The following EP400 variants were observed in gnomAD, a reference collection of about 807,000 sequenced individuals.
EP400 encodes the protein E1A binding protein p400, also known as E1A-binding protein p400.
In EP400, 105 loss-of-function variants were observed where a neutral mutation model predicts 354.1. The ratio of observed to expected loss-of-function variants is 0.30; its 90% CI spans 0.25 to 0.35. The LOEUF is 0.35. EP400 is among the 10% of genes least tolerant of loss of function. The probability of loss-of-function intolerance (pLI) is 1.00; values close to 1 mark genes in which losing one functional copy is unlikely to be tolerated. For missense variants in EP400, 3,280 were observed against 4,121.0 expected, an observed-to-expected ratio of 0.80 and a Z score of 5.59; for synonymous variants, 1,646 against 1,716.9, an observed-to-expected ratio of 0.96 and a Z score of 1.02.
intron 47 of EP400, among the ~76,000 whole-genome samples, chr12:132,064,062 C>T (rs1200648260): frequency 3.4e-5 from 5 of 146,496 alleles, no homozygotes; most frequent in African/African-American, 5.0e-5. Flanking sequence ...TGCCTTGTCA[C>T]CTGCCCCGGT....
chr12:132,062,928 G>A (rs568064362), intron 47 of EP400, among the ~76,000 whole-genome samples: 1 of 152,314 alleles, frequency 6.6e-6, no homozygotes, highest in South Asian at 2.1e-4. Flanking sequence ...GAGCACTTTG[G>A]AGACATTAAC....
chr12:131,959,488 T>C (rs571843339), intron 1 of EP400, among the ~76,000 whole-genome samples: 1 of 152,334 alleles, frequency 6.6e-6, no homozygotes, highest in South Asian at 2.1e-4. Context: ...CCTTGTCTGC[T>C]CCATCCTCTG....
intron 30 of EP400, among the ~76,000 whole-genome samples, chr12:132,035,082 G>A (rs980124174): frequency 7.2e-5 from 11 of 152,154 alleles, no homozygotes; most frequent in African/African-American, 2.4e-4. Flanking sequence ...CTCTTAAATA[G>A]GAAGGGCCTG....
chr12:132,018,992 C>G lies in EP400; in HGVS notation c.4277+616C>G, dbSNP rs1894032188. On this transcript the variant is annotated intron_variant, in intron 21 of 52. Coordinates refer to ENST00000389561, the MANE Select transcript of EP400 (RefSeq NM_015409.5). The surrounding 1 kb of genome is among the most constrained non-coding windows in gnomAD (Gnocchi z 4.0). ...TGTGATCCTTGCCATTCCAGGAGTTCTGCAGTCTTTCTTGTTGGCACTTCT... is the reference window on the plus strand; with the variant it reads ...TGTGATCCTTGCCATTCCAGGAGTTGTGCAGTCTTTCTTGTTGGCACTTCT... 6.6e-6 allele frequency among the ~76,000 whole-genome samples: 1 copy of G among 152,150 alleles called. No individual in the cohort carries two copies. The highest frequency in any genetic ancestry group is 2.4e-5 in the African/African-American group (1 of 41,428).
chr12:132,046,902 C>CCA (rs1895116641), intron 39 of EP400, among the ~76,000 whole-genome samples: 1 of 152,210 alleles, frequency 6.6e-6, no homozygotes, highest in South Asian at 2.1e-4. Flanking sequence ...CGTGTGGGGA[C>CCA]CACCGCCTTT....
At chr12:131,952,302 CAAAAAAAAAA>C (rs927214848) in intron 1 of EP400, among the ~76,000 whole-genome samples, 4 of 47,044 alleles carry the variant, frequency 8.5e-5, no homozygotes, top group Admixed American at 5.0e-4. Context: ...GACTCTGTCT[CAAAAAAAAAA>C]AAAAAAAAAA....
Position 131,994,069 on chromosome 12 carries a change from C to A in EP400, c.2738-798C>A, listed in dbSNP as rs1893128187. Among the ~76,000 whole-genome samples, 1 of 152,090 alleles carries A rather than the reference C, an allele frequency of 6.6e-6. No homozygotes were observed. Among genetic ancestry groups the A allele is most frequent in the African/African-American group, 2.4e-5 (1 of 41,392 alleles). On this transcript the variant is annotated intron_variant, in intron 11 of 52. Coordinates refer to ENST00000389561, the MANE Select transcript of EP400 (RefSeq NM_015409.5). The surrounding 1 kb of genome is among the most constrained non-coding windows in gnomAD (Gnocchi z 4.6). ...TTTCCAAGAGGAGGGGATGGCCAGG[C>A]CTGTCGTGAGCCACCAGGGTGTCGA...
chr12:131,985,916 A>AT (rs905680940), intron 5 of EP400, among the ~76,000 whole-genome samples: 4 of 151,820 alleles, frequency 2.6e-5, no homozygotes, highest in Admixed American at 6.6e-5. Context: ...CCTGAGGAGG[A>AT]TTTTTTAACC....
At chr12:131,991,087 C>T (rs910040692) in intron 9 of EP400, among the ~76,000 whole-genome samples, 2 of 152,168 alleles carry the variant, frequency 1.3e-5, no homozygotes, top group African/African-American at 4.8e-5. Flanking sequence ...TGTGCCACTC[C>T]ACTTAGGATG....
intron 12 of EP400, among the ~76,000 whole-genome samples, chr12:131,997,331 G>A (rs988241272): frequency 2.6e-5 from 4 of 151,002 alleles, no homozygotes; most frequent in Admixed American, 6.6e-5. Context: ...AGTGAGTGGC[G>A]GATCACAGCT....
rs754158539 is a variant in EP400 at position 132,043,687 on chromosome 12, T to C, written c.6409T>C (p.Phe2137Leu). Residue 2137 changes from phenylalanine to leucine, a missense_variant, in exon 34 of 53, where the codon TTC (phenylalanine) becomes CTC (leucine). By Grantham distance (22) the Phe-to-Leu change is conservative (BLOSUM62 0). Coordinates refer to ENST00000389561, the MANE Select transcript of EP400 (RefSeq NM_015409.5). Reference sequence around the variant, plus strand: ...ATATGCTTTAAATTACCTGGAATTATTCCATACTTCTATTGAGCAAGAAAA... The same window carrying C: ...ATATGCTTTAAATTACCTGGAATTACTCCATACTTCTATTGAGCAAGAAAA... ...EKYALNYLEL[F>L]HTSIEQEKER... 3.7e-6 allele frequency: 6 copies of C among 1,611,738 alleles called. No homozygotes were observed. Among genetic ancestry groups the C allele is most frequent in the Non-Finnish European group, 5.1e-6 (6 of 1,179,530 alleles).
In EP400 at chr12:131,984,704, CT is replaced by C. The variant is rs954288416; in HGVS notation, c.1930-1798del. Reference sequence around the variant, plus strand: ...GGAAAATGGTTTTATTTTATTTTATCTTTTTTTTTTTTGAGTCAGAGTCTCA... The same window carrying C: ...GGAAAATGGTTTTATTTTATTTTATCTTTTTTTTTTTGAGTCAGAGTCTCA... On this transcript the variant is annotated intron_variant, in intron 5 of 52. Coordinates refer to ENST00000389561, the MANE Select transcript of EP400 (RefSeq NM_015409.5). Among the ~76,000 whole-genome samples the C allele has an allele frequency of 1.5e-3, 216 of 146,294 alleles. 1 individual carries two copies. The highest frequency in any genetic ancestry group is 5.8e-3 in the South Asian group (27 of 4,642).
intron 10 of EP400, 120 bp downstream of exon 10, chr12:131,991,576 CTT>C (rs878864752): frequency 0.034 from 19,267 of 570,258 alleles, no homozygotes; most frequent in East Asian, 0.043. Context: ...CCTTTCTTTT[CTT>C]TTTTTTTTTT....
At chr12:131,986,318 G>A (rs1280748886) in intron 5 of EP400, among the ~76,000 whole-genome samples, 196 bp from the exon 6 acceptor site, 2 of 152,242 alleles carry the variant, frequency 1.3e-5, no homozygotes, top group Non-Finnish European at 2.9e-5. Context: ...TTGGTTTTGT[G>A]GAAGTGGGAG....
Position 132,027,588 on chromosome 12 carries a change from G to T in EP400, c.5109+57G>T. On this transcript the variant is annotated intron_variant, in intron 26 of 52. Coordinates refer to ENST00000389561, the MANE Select transcript of EP400 (RefSeq NM_015409.5). This position sits in a 1 kb window ranked among gnomAD's most constrained non-coding sequence, Gnocchi z 4.9. ...GTGGACAGGTAGCTTTCCAAGAGCTGCTCGTTGTGTTTGGTTGTGATATTT... is the reference window on the plus strand; with the variant it reads ...GTGGACAGGTAGCTTTCCAAGAGCTTCTCGTTGTGTTTGGTTGTGATATTT... 7.0e-7 allele frequency: 1 copy of T among 1,422,280 alleles called. No homozygotes were observed. The highest frequency in any genetic ancestry group is 9.6e-7 in the Non-Finnish European group (1 of 1,043,548). 88.1% of individuals were successfully genotyped at this position (1,422,280 alleles called of 1,614,324 possible).
chr12:131,993,134 C>G (rs1448167147), intron 11 of EP400, among the ~76,000 whole-genome samples: 1 of 152,218 alleles, frequency 6.6e-6, no homozygotes, highest in Non-Finnish European at 1.5e-5. Flanking sequence ...CCAAGCGATT[C>G]TCTTGCCTCA....
At chr12:132,035,020 A>G (rs533010580) in intron 30 of EP400, among the ~76,000 whole-genome samples, 2 of 152,260 alleles carry the variant, frequency 1.3e-5, no homozygotes, top group African/African-American at 4.8e-5. Context: ...AGTGCAAGTA[A>G]AGAGTTAAAT....
At chr12:131,985,220 A>G (rs980805623) in intron 5 of EP400, among the ~76,000 whole-genome samples, 1 of 152,246 alleles carries the variant, frequency 6.6e-6, no homozygotes, top group East Asian at 1.9e-4. Context: ...TAGGTTAGCC[A>G]GGGTTGGCAC....
At chr12:131,981,955 C>G (rs1205642621) in intron 4 of EP400, 138 bp from the exon 5 acceptor site, 34 of 1,160,204 alleles carry the variant, frequency 2.9e-5, no homozygotes, top group Non-Finnish European at 3.8e-5. Context: ...TGTGTGTGCT[C>G]GGTTGTGGCC....
Sources: allele counts gnomAD v4.1 joint callset (sites outside exome capture counted in the v4.1 genomes callset), GRCh38; gene constraint gnomAD v4.1.1; non-coding constraint Gnocchi (gnomAD v3.1); transcripts MANE v1.5; gene names NCBI Gene and HGNC (gene_info 2026-07-23, HGNC 2026-07-21).